Variants in KHDRBS2 observed in about 807,000 individuals in gnomAD.
The protein encoded by KHDRBS2 is KH RNA binding domain containing, signal transduction associated 2, also known as KH domain-containing, RNA-binding, signal transduction-associated protein 2.
In KHDRBS2, 26 loss-of-function variants were observed where a neutral mutation model predicts 44.3. The observed-to-expected ratio is 0.59, with a 90% CI of 0.43 to 0.81. The LOEUF (loss-of-function observed/expected upper bound fraction) is 0.81. Among genes scored for constraint, KHDRBS2 ranks in the 40% least tolerant of loss-of-function variants. The pLI is 0.00. For missense variants in KHDRBS2, 476 were observed against 433.1 expected, an observed-to-expected ratio of 1.10 and a Z score of -0.88; for synonymous variants, 194 against 151.1, an observed-to-expected ratio of 1.28 and a Z score of -2.08.
intron 7 of KHDRBS2, among the ~76,000 whole-genome samples, chr6:61,720,101 C>T (rs1772160544): frequency 6.6e-6 from 1 of 152,152 alleles, no homozygotes; most frequent in African/African-American, 2.4e-5. Context: ...CTACAAAGGA[C>T]ATGAACTCAT....
chr6:62,232,945 G>C (rs1467184160), intron 1 of KHDRBS2, among the ~76,000 whole-genome samples: 2 of 152,114 alleles, frequency 1.3e-5, no homozygotes, highest in Non-Finnish European at 2.9e-5. Context: ...CCAAAGAGTA[G>C]CACTTACAGT....
chr6:61,547,488 A>G, the KHDRBS2 span, among the ~76,000 whole-genome samples: 1 of 152,074 alleles, frequency 6.6e-6, no homozygotes. Flanking sequence ...CAGCTAACAA[A>G]TTTAATCACT....
chr6:61,722,246 TG>T (rs1438633887), intron 7 of KHDRBS2, among the ~76,000 whole-genome samples: 1 of 152,196 alleles, frequency 6.6e-6, no homozygotes, highest in African/African-American at 2.4e-5. Flanking sequence ...TTCTCTTTTT[TG>T]GTTGTGTCTC....
the KHDRBS2 span, among the ~76,000 whole-genome samples, chr6:61,545,894 C>T: frequency 1.3e-5 from 2 of 152,128 alleles, no homozygotes; most frequent in South Asian, 4.1e-4. Context: ...AGAAGGCAGC[C>T]GTCTTCAACC....
At position 62,277,572 on chromosome 6, in the gene KHDRBS2, G is replaced by A. The variant is rs376479593; in HGVS notation, c.91+8286C>T. ...TTAGGCAGGATGGCCTCGATCTCCTGACCTTGTGATCCACCTGCCTCGGCC... is the reference window on the plus strand; with the variant it reads ...TTAGGCAGGATGGCCTCGATCTCCTAACCTTGTGATCCACCTGCCTCGGCC... On this transcript the variant is annotated intron_variant, in intron 1 of 8. Coordinates refer to ENST00000281156, the MANE Select transcript of KHDRBS2 (RefSeq NM_152688.4). Among the ~76,000 whole-genome samples, 11 of 152,212 alleles carry A rather than the reference G, an allele frequency of 7.2e-5. No homozygotes were observed. The East Asian group carries it at 1.9e-3, about 27-fold the overall frequency.
intron 6 of KHDRBS2, among the ~76,000 whole-genome samples, chr6:61,800,574 C>G (rs191019364): frequency 1.3e-5 from 2 of 152,146 alleles, no homozygotes; most frequent in East Asian, 1.9e-4. Context: ...AATCTTAACT[C>G]TGATGTCTTG....
chr6:61,882,335 T>A (rs1800320558), intron 6 of KHDRBS2, among the ~76,000 whole-genome samples: 1 of 151,990 alleles, frequency 6.6e-6, no homozygotes, highest in Non-Finnish European at 1.5e-5. Context: ...AAAAACTCAC[T>A]TCATACGGGT....
intron 2 of KHDRBS2, among the ~76,000 whole-genome samples, chr6:62,063,318 C>A (rs1033580246): frequency 2.6e-4 from 39 of 151,252 alleles, no homozygotes; most frequent in Admixed American, 7.3e-4. Flanking sequence ...CGGGCAGAGA[C>A]ACAACCGAAC....
At chr6:61,749,068 A>G (rs1231867182) in intron 6 of KHDRBS2, among the ~76,000 whole-genome samples, 1 of 123,928 alleles carries the variant, frequency 8.1e-6, no homozygotes, top group Non-Finnish European at 1.5e-5. Context: ...GCTGGAGTGC[A>G]GTGGCACAAT....
intron 5 of KHDRBS2, among the ~76,000 whole-genome samples, chr6:61,895,503 T>C (rs928948227): frequency 3.9e-5 from 6 of 152,186 alleles, no homozygotes; most frequent in Non-Finnish European, 7.4e-5. Context: ...TTCTTAACCA[T>C]AACTATGGTG....
the KHDRBS2 span, among the ~76,000 whole-genome samples, chr6:61,594,200 T>G: frequency 1.3e-5 from 2 of 151,870 alleles, no homozygotes; most frequent in Non-Finnish European, 2.9e-5. Context: ...AAAAAAGTTT[T>G]CTTAACTCTA....
intron 7 of KHDRBS2, among the ~76,000 whole-genome samples, chr6:61,725,848 T>C (rs936346919): frequency 6.6e-5 from 10 of 152,034 alleles, no homozygotes; most frequent in African/African-American, 2.4e-4. Flanking sequence ...CTCAGATAGA[T>C]TCACAGCTGA....
chr6:61,628,050 T>A, the KHDRBS2 span, among the ~76,000 whole-genome samples: 1 of 152,062 alleles, frequency 6.6e-6, no homozygotes, highest in Non-Finnish European at 1.5e-5. Flanking sequence ...CTGCATTGCA[T>A]ATTCTTTAGA....
intron 2 of KHDRBS2, among the ~76,000 whole-genome samples, chr6:62,153,378 TCCAAGC>T: frequency 6.6e-6 from 1 of 152,242 alleles, no homozygotes; most frequent in South Asian, 2.1e-4. Flanking sequence ...ATTCTTGGAG[TCCAAGC>T]ATATTTCATC....
chr6:62,273,836 G>A (rs1840477398), intron 1 of KHDRBS2, among the ~76,000 whole-genome samples: 1 of 152,108 alleles, frequency 6.6e-6, no homozygotes, highest in African/African-American at 2.4e-5. Flanking sequence ...AACTGACACT[G>A]TCATTAACTA....
chr6:62,201,252 T>G (rs1350582899), intron 1 of KHDRBS2, among the ~76,000 whole-genome samples: 1 of 151,400 alleles, frequency 6.6e-6, no homozygotes, highest in African/African-American at 2.4e-5. Flanking sequence ...AATTTTAGAG[T>G]AGGGACAAGA....
chr6:61,848,576 CATATATATATATATAT>C (rs767893776), intron 6 of KHDRBS2, among the ~76,000 whole-genome samples: 2 of 30,040 alleles, frequency 6.7e-5, no homozygotes, highest in African/African-American at 2.8e-4. Context: ...TATATATATA[CATATATATATATATAT>C]ACTTTTTTTT....
intron 3 of KHDRBS2, among the ~76,000 whole-genome samples, chr6:62,014,026 G>T (rs1780764320): frequency 6.6e-6 from 1 of 152,142 alleles, no homozygotes; most frequent in South Asian, 2.1e-4. Context: ...TGATTGACAG[G>T]TCTGAAAACT....
intron 1 of KHDRBS2, among the ~76,000 whole-genome samples, chr6:62,197,300 A>C (rs2150135381): frequency 6.6e-6 from 1 of 152,274 alleles, no homozygotes; most frequent in South Asian, 2.1e-4. Flanking sequence ...AAAACTTGCA[A>C]ACCCAATTTT....
Sources: allele counts gnomAD v4.1 joint callset (sites outside exome capture counted in the v4.1 genomes callset), GRCh38; gene constraint gnomAD v4.1.1; transcripts MANE v1.5; gene names NCBI Gene and HGNC (gene_info 2026-07-23, HGNC 2026-07-21).